Variants in COMMD10 observed in about 807,000 individuals in gnomAD.
COMMD10 encodes COMM domain containing 10, also known as COMM domain-containing protein 10.
Under a neutral mutation model 28.9 loss-of-function variants are expected in COMMD10, and 33 were observed. The observed-to-expected ratio is 1.14, with a 90% CI of 0.87 to 1.53. COMMD10 has a LOEUF of 1.53. COMMD10 is among the 40% of genes most tolerant of loss of function. The pLI, the probability that COMMD10 is intolerant of heterozygous loss-of-function variation, is 0.00. For synonymous variants in COMMD10, 110 were observed against 81.7 expected (o/e 1.35, Z -1.87); for missense variants, 310 against 233.4 (o/e 1.33, Z -2.14).
intron 5 of COMMD10, among the ~76,000 whole-genome samples, chr5:116,261,868 C>A (rs555670013): frequency 6.6e-6 from 1 of 151,674 alleles, no homozygotes; most frequent in African/African-American, 2.4e-5. Context: ...TTAACTGTTT[C>A]GGTTTCAGAA....
intron 5 of COMMD10, among the ~76,000 whole-genome samples, chr5:116,191,683 C>A (rs542546810): frequency 1.3e-5 from 2 of 151,830 alleles, no homozygotes; most frequent in Non-Finnish European, 2.9e-5. Flanking sequence ...GCCCTGCCCC[C>A]ACTTGATGGT....
chr5:116,283,687 C>A (rs893014167), intron 5 of COMMD10, among the ~76,000 whole-genome samples: 2 of 151,638 alleles, frequency 1.3e-5, no homozygotes, highest in African/African-American at 4.9e-5. Context: ...AACTTTTTAA[C>A]CAAATCTGAT....
At chr5:116,138,820 C>A (rs1025399758) in intron 5 of COMMD10, among the ~76,000 whole-genome samples, 1 of 151,668 alleles carries the variant, frequency 6.6e-6, no homozygotes, top group African/African-American at 2.4e-5. Flanking sequence ...AAATATATGA[C>A]AAATTCTGTT....
At chr5:116,272,209 C>G (rs1253945808) in intron 5 of COMMD10, among the ~76,000 whole-genome samples, 1 of 151,710 alleles carries the variant, frequency 6.6e-6, no homozygotes, top group African/African-American at 2.4e-5. Flanking sequence ...TCAGTGCAGT[C>G]TTTTTGTACC....
intron 4 of COMMD10, among the ~76,000 whole-genome samples, chr5:116,107,090 C>T (rs1750863940): frequency 6.6e-6 from 1 of 151,912 alleles, no homozygotes; most frequent in African/African-American, 2.4e-5. Context: ...CCTGACCTTT[C>T]CCTCTGGCTG....
intron 5 of COMMD10, among the ~76,000 whole-genome samples, chr5:116,175,970 A>G (rs1315267389): frequency 6.6e-6 from 1 of 152,146 alleles, no homozygotes; most frequent in East Asian, 1.9e-4. Context: ...GCACAACAAT[A>G]TGAATGTACT....
chr5:116,199,685 A>G (rs1243569195), intron 5 of COMMD10, among the ~76,000 whole-genome samples: 1 of 152,188 alleles, frequency 6.6e-6, no homozygotes, highest in Non-Finnish European at 1.5e-5. Context: ...AGAACTTTAA[A>G]AAACATTTCT....
chr5:116,248,105 G>T (rs1047258934), intron 5 of COMMD10, among the ~76,000 whole-genome samples: 3 of 150,878 alleles, frequency 2.0e-5, no homozygotes, highest in Admixed American at 6.6e-5. Flanking sequence ...CACTTTTACT[G>T]CTGTGAGTAG....
intron 5 of COMMD10, among the ~76,000 whole-genome samples, chr5:116,235,397 C>A (rs2218884): frequency 6.6e-6 from 1 of 152,034 alleles, no homozygotes; most frequent in South Asian, 2.1e-4. Context: ...AGTTGAAAAG[C>A]TGTCATTTAA....
At chr5:116,115,679 C>T (rs1751209269) in intron 4 of COMMD10, among the ~76,000 whole-genome samples, 2 of 151,950 alleles carry the variant, frequency 1.3e-5, no homozygotes, top group Admixed American at 6.6e-5. Context: ...AATTTTATTC[C>T]TGAAATTCTA....
rs143765741 is a variant in COMMD10, at chr5:116,280,750, A to G, written c.511-10767A>G. ...AGGTTTTTGAACAATGATGCTTAGTAAAGATTGTCAACAAATAATAATAGA... is the reference window on the plus strand; with the variant it reads ...AGGTTTTTGAACAATGATGCTTAGTGAAGATTGTCAACAAATAATAATAGA... On this transcript the variant is annotated intron_variant, in intron 5 of 6. Transcript: ENST00000274458. 1.6e-3 allele frequency among the ~76,000 whole-genome samples: 244 copies of G among 151,980 alleles called. 14 individuals are homozygous for G. The highest frequency in any genetic ancestry group is 5.8e-3 in the African/African-American group (241 of 41,312).
intron 5 of COMMD10, among the ~76,000 whole-genome samples, chr5:116,148,510 G>C (rs1034016536): frequency 6.6e-6 from 1 of 151,820 alleles, no homozygotes; most frequent in Non-Finnish European, 1.5e-5. Context: ...AATATCCCAG[G>C]ATAACACCTT....
intron 5 of COMMD10, among the ~76,000 whole-genome samples, chr5:116,164,874 G>A (rs138369301): frequency 6.6e-6 from 1 of 152,112 alleles, no homozygotes; most frequent in African/African-American, 2.4e-5. Context: ...TTGGCAAGGA[G>A]GATGAAGAGG....
intron 5 of COMMD10, among the ~76,000 whole-genome samples, chr5:116,153,775 C>G (rs868521454): frequency 6.6e-6 from 1 of 152,048 alleles, no homozygotes; most frequent in Non-Finnish European, 1.5e-5. Flanking sequence ...TTATCTTGCT[C>G]TTAAACATTT....
chr5:116,198,945 A>G (rs1449522455), intron 5 of COMMD10, among the ~76,000 whole-genome samples: 1 of 152,204 alleles, frequency 6.6e-6, no homozygotes, highest in Non-Finnish European at 1.5e-5. Context: ...GTATGCACGT[A>G]AGTCTTCAAC....
intron 5 of COMMD10, among the ~76,000 whole-genome samples, chr5:116,230,933 G>C (rs1749514124): frequency 6.6e-6 from 1 of 152,024 alleles, no homozygotes; most frequent in African/African-American, 2.4e-5. Flanking sequence ...GCTTTCCATT[G>C]ACTTACTGAT....
At chr5:116,289,549 G>C (rs563461216) in intron 5 of COMMD10, among the ~76,000 whole-genome samples, 1 of 151,944 alleles carries the variant, frequency 6.6e-6, no homozygotes, top group African/African-American at 2.4e-5. Context: ...GGTGCTGGGC[G>C]TGTGAGTGCC....
chr5:116,100,954 A>G (rs1329954517), intron 4 of COMMD10, among the ~76,000 whole-genome samples: 3 of 152,100 alleles, frequency 2.0e-5, no homozygotes, highest in Non-Finnish European at 2.9e-5. Context: ...CCATGTGTAC[A>G]CATTATTTAG....
At chr5:116,115,552 G>T (rs1751205656) in intron 4 of COMMD10, among the ~76,000 whole-genome samples, 1 of 152,114 alleles carries the variant, frequency 6.6e-6, no homozygotes, top group Admixed American at 6.5e-5. Flanking sequence ...TGTGTTGACT[G>T]TTAGCAGTGT....
Sources: gnomAD v4.1 joint callset for allele counts (sites outside exome capture counted in the v4.1 genomes callset) on GRCh38, gnomAD v4.1.1 for gene constraint, MANE v1.5 for transcripts, NCBI Gene and HGNC (gene_info 2026-07-23, HGNC 2026-07-21) for gene names.